Variants in RAPGEF2 observed in about 807,000 individuals in gnomAD.
RAPGEF2 encodes Rap guanine nucleotide exchange factor 2, also known as PDZ domain containing guanine nucleotide exchange factor (GEF) 1.
In RAPGEF2, 54 loss-of-function variants were observed where a neutral mutation model predicts 186.7. The ratio of observed to expected loss-of-function variants is 0.29; its 90% CI spans 0.23 to 0.36. The LOEUF (loss-of-function observed/expected upper bound fraction) is 0.36, where lower values mean the gene tolerates loss of function less well. Among genes scored for constraint, RAPGEF2 ranks in the 10% least tolerant of loss-of-function variants. The pLI, the probability that RAPGEF2 is intolerant of heterozygous loss-of-function variation, is 1.00. For synonymous variants in RAPGEF2, 712 were observed against 705.9 expected, an observed-to-expected ratio of 1.01 and a Z score of -0.14; for missense variants, 1,532 against 2,045.0, an observed-to-expected ratio of 0.75 and a Z score of 4.84.
At chr4:159,352,651 G>A (rs1199898018) in intron 26 of RAPGEF2, 34 bp from the exon 27 acceptor site, 8 of 1,511,342 alleles carry the variant, frequency 5.3e-6, no homozygotes, top group Non-Finnish European at 6.4e-6. Context: ...TAAACCTAGA[G>A]AGTCTAATTA....
intron 1 of RAPGEF2, among the ~76,000 whole-genome samples, chr4:159,106,156 G>C (rs560840390): frequency 3.8e-4 from 58 of 152,312 alleles, no homozygotes; most frequent in African/African-American, 1.3e-3. Context: ...CGACATGAAA[G>C]CTTTATTGAC....
At chr4:159,286,782 G>T (rs1760562686) in intron 7 of RAPGEF2, among the ~76,000 whole-genome samples, 1 of 152,174 alleles carries the variant, frequency 6.6e-6, no homozygotes, top group Admixed American at 6.5e-5. Context: ...GCTATAGGAG[G>T]TTTTCCTCGG....
rs553540553 is a variant in RAPGEF2, at chr4:159,316,181, C to T, written c.853+1413C>T. 1.3e-3 allele frequency among the ~76,000 whole-genome samples: 195 copies of T among 152,198 alleles called. 1 individual carries two copies. The highest frequency in any genetic ancestry group is 1.4e-3 in the Non-Finnish European group (96 of 68,036). ...TCGCACTCTTGTCTTCTGGTCACTCCTCACTATGTCCCCTCAGCTCCTATC... is the reference window on the plus strand; with the variant it reads ...TCGCACTCTTGTCTTCTGGTCACTCTTCACTATGTCCCCTCAGCTCCTATC... On this transcript the variant is annotated intron_variant, in intron 9 of 29. Coordinates refer to ENST00000691494, the MANE Select transcript of RAPGEF2 (RefSeq NM_001394067.2).
chr4:159,119,187 G>A (rs961418111), intron 1 of RAPGEF2, among the ~76,000 whole-genome samples: 2 of 152,106 alleles, frequency 1.3e-5, no homozygotes, highest in South Asian at 2.1e-4. Flanking sequence ...TGCAGGGTTG[G>A]GTTGGTGCAG....
rs117682612 is a variant in RAPGEF2, at chr4:159,167,227, C to T, written c.70-19415C>T. Reference sequence around the variant, plus strand: ...AATAGCTGGGACACTGGTGCAGGCACCAGAAGTAGAGAAATCTAAACATGT... The same window carrying T: ...AATAGCTGGGACACTGGTGCAGGCATCAGAAGTAGAGAAATCTAAACATGT... On this transcript the variant is annotated intron_variant, in intron 1 of 29. Coordinates refer to ENST00000691494, the MANE Select transcript of RAPGEF2 (RefSeq NM_001394067.2). Among the ~76,000 whole-genome samples, 906 of 152,210 alleles carry T rather than the reference C, an allele frequency of 6.0e-3. 49 individuals carry two copies. In the South Asian group the frequency reaches 0.096, roughly 16 times the overall value.
At chr4:159,297,535 A>C (rs1352022931) in intron 7 of RAPGEF2, among the ~76,000 whole-genome samples, 1 of 152,256 alleles carries the variant, frequency 6.6e-6, no homozygotes, top group African/African-American at 2.4e-5. Context: ...GCATATCATG[A>C]AAATGAAGTT....
At chr4:159,293,170 T>C (rs1356516518) in intron 7 of RAPGEF2, among the ~76,000 whole-genome samples, 1 of 152,216 alleles carries the variant, frequency 6.6e-6, no homozygotes, top group Non-Finnish European at 1.5e-5. Flanking sequence ...ATTAAAATTA[T>C]TCCTTTGGGA....
chr4:159,324,565 AGT>A (rs780827125), intron 11 of RAPGEF2, among the ~76,000 whole-genome samples: 31 of 152,244 alleles, frequency 2.0e-4, no homozygotes, highest in Admixed American at 4.6e-4. Flanking sequence ...ATAGTTATGC[AGT>A]GTTTTTATTT....
intron 1 of RAPGEF2, among the ~76,000 whole-genome samples, chr4:159,149,131 T>C (rs1274623288): frequency 6.6e-6 from 1 of 152,240 alleles, no homozygotes; most frequent in African/African-American, 2.4e-5. Flanking sequence ...AATACTGTTC[T>C]AAATAAAAAT....
chr4:159,176,516 G>T (rs1746467397), intron 1 of RAPGEF2, among the ~76,000 whole-genome samples: 1 of 152,082 alleles, frequency 6.6e-6, no homozygotes, highest in Non-Finnish European at 1.5e-5. Context: ...GGTTTAACCT[G>T]ACAATATGCT....
chr4:159,234,649 A>G (rs1462927641), intron 4 of RAPGEF2, among the ~76,000 whole-genome samples: 1 of 145,884 alleles, frequency 6.9e-6, no homozygotes, highest in Non-Finnish European at 1.5e-5. Flanking sequence ...TCCACCTCCC[A>G]GGTTCATGCC....
At chr4:159,234,637 G>A (rs555020052) in intron 4 of RAPGEF2, among the ~76,000 whole-genome samples, 7 of 145,258 alleles carry the variant, frequency 4.8e-5, no homozygotes, top group African/African-American at 7.7e-5. Flanking sequence ...CTCACTGCAA[G>A]CTCCACCTCC....
Position 159,331,823 on chromosome 4 carries a change from G to A in RAPGEF2, c.1769G>A (p.Arg590Gln), listed in dbSNP as rs1309036976. 10 of 1,613,930 alleles carry A rather than the reference G, an allele frequency of 6.2e-6. No individual in the cohort carries two copies. The highest frequency in any genetic ancestry group is 1.6e-4 in the Middle Eastern group (1 of 6,062). Residue 590 changes from arginine (R) to glutamine (Q), a missense_variant, in exon 15 of 30, where the codon CGG (arginine) becomes CAG (glutamine). Around this residue, in one of 4 missense-constraint regions of RAPGEF2, gnomAD observed 810 missense variants for 1,210.5 expected, o/e 0.67. Transcript: ENST00000691494. ...GSKATEAGLK[R>Q]GDQILEVNGQ... ...AAAGCAACTGAAGCAGGCTTGAAACGGGGGGATCAGGTATGCCATTTCTAA... is the reference window on the plus strand; with the variant it reads ...AAAGCAACTGAAGCAGGCTTGAAACAGGGGGATCAGGTATGCCATTTCTAA...
At chr4:159,149,059 C>T (rs1743248823) in intron 1 of RAPGEF2, among the ~76,000 whole-genome samples, 1 of 152,158 alleles carries the variant, frequency 6.6e-6, no homozygotes, top group Non-Finnish European at 1.5e-5. Context: ...ATATGTTTCC[C>T]AAAATCAATT....
chr4:159,350,108 T>G, intron 25 of RAPGEF2, 29 bp from the exon 26 acceptor site: 1 of 1,411,186 alleles, frequency 7.1e-7, no homozygotes, highest in Non-Finnish European at 9.5e-7. Flanking sequence ...TGAAAATACA[T>G]ATTTAAGGTT....
At chr4:159,262,825 AC>A (rs1757026084) in intron 7 of RAPGEF2, among the ~76,000 whole-genome samples, 1 of 134,478 alleles carries the variant, frequency 7.4e-6, no homozygotes, top group Non-Finnish European at 1.5e-5. Flanking sequence ...GCCGTCAGAA[AC>A]TTTTTTTTTT....
At chr4:159,251,995 C>T (rs1282158425) in intron 7 of RAPGEF2, among the ~76,000 whole-genome samples, 1 of 152,074 alleles carries the variant, frequency 6.6e-6, no homozygotes, top group Admixed American at 6.5e-5. Context: ...ACCACGAACC[C>T]ACCAGAAGGA....
chr4:159,345,788 T>C (rs981688732), intron 24 of RAPGEF2, among the ~76,000 whole-genome samples: 2 of 151,906 alleles, frequency 1.3e-5, no homozygotes, highest in Non-Finnish European at 2.9e-5. Context: ...GTTAGAGCAA[T>C]GATTCTGCTC....
At chr4:159,315,985 C>T (rs949666404) in intron 9 of RAPGEF2, among the ~76,000 whole-genome samples, 2 of 152,174 alleles carry the variant, frequency 1.3e-5, no homozygotes, top group Non-Finnish European at 2.9e-5. Context: ...TAAACTCCCC[C>T]TGGGGAAGGG....
Sources: allele counts gnomAD v4.1 joint callset (sites outside exome capture counted in the v4.1 genomes callset), GRCh38; gene constraint gnomAD v4.1.1; regional missense constraint gnomAD v4.1.1; transcripts MANE v1.5; gene names NCBI Gene and HGNC (gene_info 2026-07-23, HGNC 2026-07-21).